RRM2: variants seen among roughly 807,000 people sequenced by gnomAD.
The protein encoded by RRM2 is ribonucleotide reductase regulatory subunit M2.
A neutral mutation model predicts 45.9 loss-of-function variants in RRM2; 6 were observed. That is an observed-to-expected ratio of 0.13 (90% CI 0.07 to 0.26). The LOEUF (loss-of-function observed/expected upper bound fraction) is 0.26. Ranked by LOEUF, RRM2 falls within the 10% of genes least tolerant of loss-of-function variation. The pLI, the probability that RRM2 is intolerant of heterozygous loss-of-function variation, is 1.00. For missense variants in RRM2, 343 were observed against 489.5 expected, an observed-to-expected ratio of 0.70 and a Z score of 2.82; for synonymous variants, 177 against 173.0, an observed-to-expected ratio of 1.02 and a Z score of -0.18.
rs1664652141 is a variant in RRM2, at chr2:10,205,808, C to T, written n.483-4503C>T. 6.6e-6 allele frequency among the ~76,000 whole-genome samples: 1 copy of T among 152,116 alleles called. No homozygotes were observed. Among genetic ancestry groups the T allele is most frequent in the South Asian group, 2.1e-4 (1 of 4,830 alleles). On this transcript the variant is annotated intron_variant and non_coding_transcript_variant, in intron 3 of 3. Transcript: ENST00000381786. This position sits in a 1 kb window ranked among gnomAD's most constrained non-coding sequence, Gnocchi z 4.8. ...CTGGTTTCAAGTGATTCTCCTGCCT[C>T]AGCCTCTGGAGTAGCTGGGACTACA...
In RRM2 at chr2:10,195,042, G is replaced by T. The variant is rs1407527519; in HGVS notation, n.483-15269G>T. 6.6e-6 allele frequency among the ~76,000 whole-genome samples: 1 copy of T among 152,180 alleles called. No individual in the cohort carries two copies. Among genetic ancestry groups the T allele is most frequent in the Non-Finnish European group, 1.5e-5 (1 of 68,040 alleles). On this transcript the variant is annotated intron_variant and non_coding_transcript_variant, in intron 3 of 3. Coordinates refer to the RRM2 transcript ENST00000381786. This position sits in a 1 kb window ranked among gnomAD's most constrained non-coding sequence, Gnocchi z 4.9. Reference sequence around the variant, plus strand: ...ACGTGACCACCAAAACCCTCACGAGGCCATGTGGTCGTGGCTACGGGTTTA... The same window carrying T: ...ACGTGACCACCAAAACCCTCACGAGTCCATGTGGTCGTGGCTACGGGTTTA...
In RRM2 at chr2:10,195,021, G is replaced by A. The variant is rs772381388; in HGVS notation, n.483-15290G>A. On this transcript the variant is annotated intron_variant and non_coding_transcript_variant, in intron 3 of 3. Coordinates refer to the RRM2 transcript ENST00000381786. The surrounding 1 kb of genome is among the most constrained non-coding windows in gnomAD (Gnocchi z 4.9). ...TACAGCCAAGGCCTGTGAGGCACGT[G>A]ACCACCAAAACCCTCACGAGGCCAT... Among the ~76,000 whole-genome samples the A allele has an allele frequency of 1.3e-5, 2 of 152,222 alleles. No individual in the cohort carries two copies. The highest frequency in any genetic ancestry group is 6.5e-5 in the Admixed American group (1 of 15,286).
Position 10,199,800 on chromosome 2 carries a change from A to AAAAAAAAAAAAAAAAAAAAAAAAAAAC in RRM2, n.483-10502_483-10501insAAAAAAAAAAAAAAAAACAAAAAAAAA, listed in dbSNP as rs1572534126. 4.1e-5 allele frequency among the ~76,000 whole-genome samples: 4 copies of AAAAAAAAAAAAAAAAAAAAAAAAAAAC among 97,884 alleles called. 1 individual carries two copies. Among genetic ancestry groups the AAAAAAAAAAAAAAAAAAAAAAAAAAAC allele is most frequent in the African/African-American group, 1.6e-4 (4 of 24,778 alleles). 64.2% of individuals were successfully genotyped at this position (97,884 alleles called of 152,430 possible). A position where few individuals can be genotyped will look rare whatever the true frequency, so the allele number is the denominator to read the frequency against. The stretch of plus-strand genomic sequence containing the variant: ...GTCTCAAAAAAAAAAAAAAAAAAAA[A>AAAAAAAAAAAAAAAAAAAAAAAAAAAC]AAAAAAAAACAAATCATGGTATGAC... On this transcript the variant is annotated intron_variant and non_coding_transcript_variant, in intron 3 of 3. Coordinates refer to the RRM2 transcript ENST00000381786.
At chr2:10,193,236 A>G (rs181308509) in intron 3 of RRM2, among the ~76,000 whole-genome samples, 5 of 152,136 alleles carry the variant, frequency 3.3e-5, no homozygotes, top group African/African-American at 1.2e-4. Flanking sequence ...TTTAATGATC[A>G]TTGCATTTGG....
At position 10,128,901 on chromosome 2, in the gene RRM2, A is replaced by C; in HGVS notation, c.852A>C (p.Pro284=). The change falls in exon 8 of 10, where the codon CCA becomes CCC. Residue 284 remains proline (P), a synonymous_variant. Transcript: ENST00000304567. ...CLMFKHLVHK[P]SEERVREIII... is the part of the protein sequence containing the mutation. Reference sequence around the variant, plus strand: ...TGTTCAAACACCTGGTACACAAACCATCGGAGGAGAGAGTAAGAGAAATAA... The same window carrying C: ...TGTTCAAACACCTGGTACACAAACCCTCGGAGGAGAGAGTAAGAGAAATAA... 6.2e-7 allele frequency: 1 copy of C among 1,614,146 alleles called. No homozygotes were observed. The highest frequency in any genetic ancestry group is 8.5e-7 in the Non-Finnish European group (1 of 1,179,972).
downstream of RRM2, among the ~76,000 whole-genome samples, chr2:10,133,399 A>C (rs1158978806): frequency 6.6e-6 from 1 of 152,254 alleles, no homozygotes; most frequent in Non-Finnish European, 1.5e-5. Flanking sequence ...GGACTTTGTC[A>C]TGCAAAGGAG....
At chr2:10,156,089 T>C (rs1231478587) in intron 3 of RRM2, 1 of 152,232 alleles carries the variant, frequency 6.6e-6, no homozygotes, top group East Asian at 1.9e-4. Flanking sequence ...CTCTAGACCT[T>C]GGAGCTCTAA....
chr2:10,195,736 C>T lies in RRM2; in HGVS notation n.483-14575C>T, dbSNP rs767266878. Among the ~76,000 whole-genome samples, 6 of 152,092 alleles carry T rather than the reference C, an allele frequency of 3.9e-5. No homozygotes were observed. The highest frequency in any genetic ancestry group is 1.9e-4 in the East Asian group (1 of 5,178). On this transcript the variant is annotated intron_variant and non_coding_transcript_variant, in intron 3 of 3. Coordinates refer to the RRM2 transcript ENST00000381786. The surrounding 1 kb of genome is among the most constrained non-coding windows in gnomAD (Gnocchi z 4.9). ...CAGCAGTGTTCTTGGGCCTCAGGGA[C>T]GTGTCGTGACTGGCTGAAGGCTGTC...
chr2:10,207,393 C>T (rs1325548133), intron 3 of RRM2, among the ~76,000 whole-genome samples: 1 of 152,198 alleles, frequency 6.6e-6, no homozygotes, highest in Non-Finnish European at 1.5e-5. Context: ...CCGAGGCTCT[C>T]TCTTTGAATG....
At chr2:10,158,656 C>A (rs1486533933) in intron 3 of RRM2, among the ~76,000 whole-genome samples, 1 of 152,110 alleles carries the variant, frequency 6.6e-6, no homozygotes, top group Non-Finnish European at 1.5e-5. Context: ...TGTCTGTGCT[C>A]ACTAATTTCA....
intron 3 of RRM2, among the ~76,000 whole-genome samples, chr2:10,147,725 C>T (rs1286370981): frequency 6.6e-6 from 1 of 152,190 alleles, no homozygotes; most frequent in Non-Finnish European, 1.5e-5. Context: ...TTTTCTCTTA[C>T]CCCTTCTCCT....
At position 10,127,078 on chromosome 2, in the gene RRM2, C is replaced by T; in HGVS notation, c.665-9C>T. On this transcript the variant is annotated splice_polypyrimidine_tract_variant and intron_variant, in intron 6 of 9. Transcript: ENST00000304567. This position sits in a 1 kb window ranked among gnomAD's most constrained non-coding sequence, Gnocchi z 4.1. ...CACTAGAATCATGTTGGTGTTAACT[C>T]CTAAATAGGTGAACGTGTTGTAGCC... The T allele has an allele frequency of 6.2e-7, 1 of 1,614,104 alleles. No homozygotes were observed. Among genetic ancestry groups the T allele is most frequent in the Non-Finnish European group, 8.5e-7 (1 of 1,179,982 alleles).
downstream of RRM2, among the ~76,000 whole-genome samples, chr2:10,136,301 G>A (rs115185103): frequency 6.7e-3 from 1,015 of 152,354 alleles, 14 homozygotes; most frequent in African/African-American, 0.023. Context: ...CATGTGCTGC[G>A]ATGGAGATGC....
chr2:10,167,033 G>T (rs1308835682), intron 3 of RRM2, among the ~76,000 whole-genome samples: 1 of 152,202 alleles, frequency 6.6e-6, no homozygotes. Context: ...ACACGGCTAA[G>T]AACTCTGCCT....
At position 10,128,900 on chromosome 2, in the gene RRM2, C is replaced by G. The variant is rs1383963441; in HGVS notation, c.851C>G (p.Pro284Arg). 1 of 1,614,030 alleles carries G rather than the reference C, an allele frequency of 6.2e-7. No individual in the cohort carries two copies. The stretch of plus-strand genomic sequence containing the variant: ...ATGTTCAAACACCTGGTACACAAAC[C>G]ATCGGAGGAGAGAGTAAGAGAAATA... ...CLMFKHLVHK[P>R]SEERVREIII... Residue 284 changes from proline to arginine, a missense_variant, in exon 8 of 10, where the codon CCA becomes CGA. By Grantham distance (103) the Pro-to-Arg change is moderately radical. Transcript: ENST00000304567.
chr2:10,164,060 G>A (rs1663629384), intron 3 of RRM2, among the ~76,000 whole-genome samples: 1 of 152,106 alleles, frequency 6.6e-6, no homozygotes, highest in South Asian at 2.1e-4. Flanking sequence ...GTGTGTGCAT[G>A]AGTGAACGTG....
upstream of RRM2, among the ~76,000 whole-genome samples, chr2:10,141,016 G>A (rs1004830823): frequency 6.6e-6 from 1 of 151,902 alleles, no homozygotes; most frequent in Admixed American, 6.6e-5. Context: ...GTGAACTGGC[G>A]GCTGGGGCTG....
chr2:10,146,845 C>T (rs1223554430), intron 3 of RRM2, among the ~76,000 whole-genome samples: 4 of 152,202 alleles, frequency 2.6e-5, no homozygotes, highest in East Asian at 1.9e-4. Flanking sequence ...CGTTTGGGTG[C>T]GTGTTCATTT....
intron 3 of RRM2, among the ~76,000 whole-genome samples, chr2:10,199,800 A>AAAAAAAC (rs57474218): frequency 0.13 from 13,060 of 97,386 alleles, 2,431 homozygotes; most frequent in East Asian, 0.23. Flanking sequence ...AAAAAAAAAA[A>AAAAAAAC]AAAAAAAAAC....
Sources: gnomAD v4.1 joint callset for allele counts (sites outside exome capture counted in the v4.1 genomes callset) on GRCh38, gnomAD v4.1.1 for gene constraint, Gnocchi (gnomAD v3.1) non-coding constraint, MANE v1.5 for transcripts, NCBI Gene and HGNC (gene_info 2026-07-23, HGNC 2026-07-21) for gene names.